BANK1: variants seen among roughly 807,000 people sequenced by gnomAD.
The protein encoded by BANK1 is B cell scaffold protein with ankyrin repeats 1.
A neutral mutation model predicts 94.5 loss-of-function variants in BANK1; 95 were observed. That is an observed-to-expected ratio of 1.00 (90% CI 0.85 to 1.19). The LOEUF (loss-of-function observed/expected upper bound fraction) is 1.19. Among genes scored for constraint, BANK1 ranks in the 50% most tolerant of loss-of-function variants. BANK1 has a pLI of 0.00. For missense variants in BANK1, 987 were observed against 932.2 expected, an observed-to-expected ratio of 1.06 and a Z score of -0.77; for synonymous variants, 334 against 308.4, an observed-to-expected ratio of 1.08 and a Z score of -0.87.
chr4:102,039,987 G>T (rs1306345562), intron 10 of BANK1, among the ~76,000 whole-genome samples: 2 of 152,058 alleles, frequency 1.3e-5, no homozygotes, highest in Non-Finnish European at 2.9e-5. Flanking sequence ...TTCACAAAAT[G>T]AATGTTGTTG....
At chr4:102,069,449 T>G (rs185202258) in intron 13 of BANK1, among the ~76,000 whole-genome samples, 2 of 152,322 alleles carry the variant, frequency 1.3e-5, no homozygotes, top group African/African-American at 4.8e-5. Context: ...AAAAGTATAA[T>G]GAATTACCAT....
intron 2 of BANK1, among the ~76,000 whole-genome samples, chr4:101,833,837 G>A (rs548088485): frequency 1.3e-5 from 2 of 152,194 alleles, no homozygotes; most frequent in South Asian, 4.1e-4. Context: ...TGTTCAAACT[G>A]GAAGTTTTCA....
chr4:101,948,243 A>G (rs1221243556), intron 7 of BANK1, among the ~76,000 whole-genome samples: 2 of 152,104 alleles, frequency 1.3e-5, no homozygotes, highest in African/African-American at 4.8e-5. Flanking sequence ...GGGGGTGGCT[A>G]CCACCAGACT....
At chr4:101,893,735 C>G (rs1278679733) in intron 5 of BANK1, among the ~76,000 whole-genome samples, 1 of 151,964 alleles carries the variant, frequency 6.6e-6, no homozygotes, top group Non-Finnish European at 1.5e-5. Flanking sequence ...TATAAATACT[C>G]AACTACATAA....
At chr4:101,859,323 T>C (rs1727787899) in intron 3 of BANK1, among the ~76,000 whole-genome samples, 1 of 152,200 alleles carries the variant, frequency 6.6e-6, no homozygotes, top group Non-Finnish European at 1.5e-5. Context: ...ATACAGGGAC[T>C]ATTAGGGGAG....
intron 7 of BANK1, among the ~76,000 whole-genome samples, chr4:102,018,408 T>A (rs1400018648): frequency 6.6e-6 from 1 of 152,212 alleles, no homozygotes; most frequent in Non-Finnish European, 1.5e-5. Flanking sequence ...AATTACAATA[T>A]CTTCAGAATC....
At chr4:102,007,342 G>C (rs1170024213) in intron 7 of BANK1, among the ~76,000 whole-genome samples, 2 of 150,638 alleles carry the variant, frequency 1.3e-5, no homozygotes, top group African/African-American at 4.9e-5. Context: ...CTTTGTGCTA[G>C]AGGAGTTATA....
At chr4:101,943,369 T>C (rs1219571457) in intron 7 of BANK1, among the ~76,000 whole-genome samples, 1 of 151,818 alleles carries the variant, frequency 6.6e-6, no homozygotes, top group Non-Finnish European at 1.5e-5. Flanking sequence ...AAGAGATCCA[T>C]TAGATGACTG....
chr4:101,969,891 T>A (rs1234499394), intron 7 of BANK1, among the ~76,000 whole-genome samples: 5 of 152,144 alleles, frequency 3.3e-5, no homozygotes, highest in Non-Finnish European at 7.4e-5. Context: ...CAGAGATCAG[T>A]AAAATTATTT....
At chr4:101,816,819 C>T (rs1423010697) in intron 1 of BANK1, among the ~76,000 whole-genome samples, 1 of 152,110 alleles carries the variant, frequency 6.6e-6, no homozygotes, top group Non-Finnish European at 1.5e-5. Flanking sequence ...GCCAGTTAGA[C>T]TACATAAACA....
At chr4:102,064,887 T>C (rs1293984420) in intron 13 of BANK1, among the ~76,000 whole-genome samples, 3 of 152,170 alleles carry the variant, frequency 2.0e-5, no homozygotes. Context: ...GAGATCTTAG[T>C]TCAGGGCAGC....
chr4:101,932,290 A>G (rs967219070), intron 7 of BANK1, among the ~76,000 whole-genome samples: 7 of 151,572 alleles, frequency 4.6e-5, no homozygotes, highest in Admixed American at 1.3e-4. Context: ...TCCCTTTGGC[A>G]AGTAGATCTA....
chr4:101,838,290 G>A (rs1726906538), intron 2 of BANK1, among the ~76,000 whole-genome samples: 1 of 152,058 alleles, frequency 6.6e-6, no homozygotes, highest in South Asian at 2.1e-4. Flanking sequence ...TTCTTATTAT[G>A]AATGTATACA....
intron 7 of BANK1, among the ~76,000 whole-genome samples, chr4:101,989,880 T>A (rs902978763): frequency 6.6e-6 from 1 of 152,220 alleles, no homozygotes; most frequent in South Asian, 2.1e-4. Flanking sequence ...AACAACACAC[T>A]GTCTTCTAGA....
chr4:101,809,582 A>AATT (rs1185691366), intron 1 of BANK1, among the ~76,000 whole-genome samples: 1 of 152,126 alleles, frequency 6.6e-6, no homozygotes, highest in African/African-American at 2.4e-5. Context: ...GAAAGATAAT[A>AATT]ATTTGCATTT....
At chr4:101,992,659 C>A (rs1227674578) in intron 7 of BANK1, among the ~76,000 whole-genome samples, 1 of 152,076 alleles carries the variant, frequency 6.6e-6, no homozygotes, top group African/African-American at 2.4e-5. Context: ...CAACTTCTCC[C>A]CACCTGGCTT....
At chr4:101,846,220 A>G (rs1486552140) in intron 2 of BANK1, among the ~76,000 whole-genome samples, 5 of 152,218 alleles carry the variant, frequency 3.3e-5, no homozygotes, top group African/African-American at 4.8e-5. Context: ...TGTGGCACAT[A>G]TATACCATGG....
Position 102,066,212 on chromosome 4 carries a change from A to G in BANK1, c.2212+3074A>G, listed in dbSNP as rs894092341. 7.2e-5 allele frequency among the ~76,000 whole-genome samples: 11 copies of G among 152,096 alleles called. No individual in the cohort carries two copies. In the East Asian group the frequency reaches 1.5e-3, roughly 21 times the overall value. On this transcript the variant is annotated intron_variant, in intron 13 of 16. Coordinates refer to ENST00000322953, the MANE Select transcript of BANK1 (RefSeq NM_017935.5). Reference sequence around the variant, plus strand: ...CATATAAAGGAAAAAAAAATTCAATAATTTATTATCAGAAACAATGGAGGA... The same window carrying G: ...CATATAAAGGAAAAAAAAATTCAATGATTTATTATCAGAAACAATGGAGGA...
intron 7 of BANK1, among the ~76,000 whole-genome samples, chr4:101,997,863 A>T (rs1035824086): frequency 6.6e-6 from 1 of 152,134 alleles, no homozygotes; most frequent in African/African-American, 2.4e-5. Flanking sequence ...TTTTTAAAAA[A>T]ACCAGCTCCT....
Sources: gnomAD v4.1 joint callset for allele counts (sites outside exome capture counted in the v4.1 genomes callset) on GRCh38, gnomAD v4.1.1 for gene constraint, MANE v1.5 for transcripts, NCBI Gene and HGNC (gene_info 2026-07-23, HGNC 2026-07-21) for gene names.